DGLUCY: variants seen among roughly 807,000 people sequenced by gnomAD.
DGLUCY encodes D-glutamate cyclase.
A neutral mutation model predicts 58.5 loss-of-function variants in DGLUCY; 58 were observed. The observed-to-expected ratio is 0.99, with a 90% CI of 0.80 to 1.23. The LOEUF (loss-of-function observed/expected upper bound fraction) is 1.23, where lower values mean the gene tolerates loss of function less well. Among genes scored for constraint, DGLUCY ranks in the 50% most tolerant of loss-of-function variants. DGLUCY has a pLI of 0.00. For synonymous variants in DGLUCY, 325 were observed against 314.1 expected (o/e 1.03, Z -0.37); for missense variants, 779 against 784.7 (o/e 0.99, Z 0.09).
At position 91,199,855 on chromosome 14, in the gene DGLUCY, T is replaced by C. The variant is rs1263626933; in HGVS notation, c.1394T>C (p.Ile465Thr). 13 of 1,614,050 alleles carry C rather than the reference T, an allele frequency of 8.1e-6. No individual in the cohort carries two copies. The highest frequency in any genetic ancestry group is 6.7e-5 in the East Asian group (3 of 44,890). ...AACATCAAGCACTTGGTTGACCCCA[T>C]TGACGATCTTTTTCTTGCTGCGAAG... ...KMNIKHLVDP[I>T]DDLFLAAKKI... The change falls in exon 11 of 14, where the codon ATT (isoleucine) becomes ACT (threonine). Residue 465 changes from isoleucine (I) to threonine (T), a missense_variant. Ile to Thr is a moderately conservative substitution (Grantham distance 89). Transcript: ENST00000256324.
rs2049703533 is a variant in DGLUCY, at chr14:91,189,070, G to T, written c.1095G>T (p.Leu365=). 1 of 1,614,022 alleles carries T rather than the reference G, an allele frequency of 6.2e-7. No individual in the cohort carries two copies. Among genetic ancestry groups the T allele is most frequent in the African/African-American group, 1.3e-5 (1 of 74,918 alleles). ...ETDGPPGAVA[L]VAFLQALEKE... is the part of the protein sequence containing the mutation. ...ATGGCCCACCAGGAGCTGTTGCTCT[G>T]GTTGCCTTCCTGCAGGCCTTGGAGA... Residue 365 remains leucine (L), a synonymous_variant, in exon 9 of 14, where the codon CTG becomes CTT. Coordinates refer to ENST00000256324, the MANE Select transcript of DGLUCY (RefSeq NM_001102368.3).
chr14:91,131,894 A>G (rs543801054), intron 1 of DGLUCY, among the ~76,000 whole-genome samples: 4 of 152,288 alleles, frequency 2.6e-5, no homozygotes, highest in Middle Eastern at 3.4e-3. Context: ...CCTGGGTTCA[A>G]GTAATTCTCT....
intron 7 of DGLUCY, among the ~76,000 whole-genome samples, chr14:91,176,553 A>G (rs2048864955): frequency 2.6e-5 from 4 of 152,088 alleles, no homozygotes; most frequent in Admixed American, 2.6e-4. Context: ...CCAGGGCTGG[A>G]TCTCCTTACC....
chr14:91,192,615 C>T (rs534432197), intron 9 of DGLUCY, among the ~76,000 whole-genome samples: 2 of 152,076 alleles, frequency 1.3e-5, no homozygotes, highest in South Asian at 4.2e-4. Flanking sequence ...CTGTGTGTCT[C>T]ATAACAAAAC....
In DGLUCY at chr14:91,173,287, AGAC is replaced by A; in HGVS notation, c.457-1_458del. On this transcript the variant is annotated splice_acceptor_variant and coding_sequence_variant, in exon 6 of 14. Coordinates refer to ENST00000256324, the MANE Select transcript of DGLUCY (RefSeq NM_001102368.3). LOFTEE classifies it high-confidence loss of function. Reference sequence around the variant, plus strand: ...ACTTGATTTTTTTTTTTTTTTGGTCAGACAACAGTGCCTTGTGTTACCCATGCT... The same window carrying A: ...ACTTGATTTTTTTTTTTTTTTGGTCAAACAGTGCCTTGTGTTACCCATGCT... The A allele has an allele frequency of 1.3e-6, 2 of 1,598,634 alleles. No individual in the cohort carries two copies. Among genetic ancestry groups the A allele is most frequent in the South Asian group, 2.2e-5 (2 of 88,916 alleles).
intron 10 of DGLUCY, among the ~76,000 whole-genome samples, chr14:91,199,247 G>A (rs1814720745): frequency 6.6e-6 from 1 of 150,906 alleles, no homozygotes; most frequent in Non-Finnish European, 1.5e-5. Context: ...AAATTGCTGA[G>A]GATTCCAATG....
At chr14:91,117,842 G>A (rs1190428264) in intron 1 of DGLUCY, among the ~76,000 whole-genome samples, 2 of 152,160 alleles carry the variant, frequency 1.3e-5, no homozygotes, top group South Asian at 4.1e-4. Flanking sequence ...AGTACACATT[G>A]GTTTGATTGA....
chr14:91,205,754 CTCT>C (rs34299453), intron 12 of DGLUCY, among the ~76,000 whole-genome samples: 4,282 of 129,758 alleles, frequency 0.033, 95 homozygotes, highest in African/African-American at 0.042. Flanking sequence ...CCAGGGCATT[CTCT>C]TCTTCTTCTT....
At chr14:91,184,145 A>G (rs533980814) in intron 8 of DGLUCY, among the ~76,000 whole-genome samples, 1 of 152,264 alleles carries the variant, frequency 6.6e-6, no homozygotes, top group African/African-American at 2.4e-5. Context: ...AATCTGGGCC[A>G]GACTCCCAGG....
rs964209160 is a variant in DGLUCY at position 91,060,532 on chromosome 14, C to T, written c.-254C>T. ...CAGCCGCTGCCGCGGCCCCAGGAGT[C>T]GGGGTGCGGCGGCTCCAGAACTCGG... On this transcript the variant is annotated 5_prime_UTR_variant, in exon 1 of 5. Coordinates refer to the DGLUCY transcript ENST00000521334. The T allele has an allele frequency of 1.1e-5, 13 of 1,221,792 alleles. No individual in the cohort carries two copies. The Admixed American group carries it at 4.8e-4, about 45-fold the overall frequency. 75.7% of individuals were successfully genotyped at this position (1,221,792 alleles called of 1,614,324 possible).
At chr14:91,139,051 A>G (rs574542338) in intron 1 of DGLUCY, among the ~76,000 whole-genome samples, 1 of 152,322 alleles carries the variant, frequency 6.6e-6, no homozygotes, top group Admixed American at 6.5e-5. Flanking sequence ...GATATAGACA[A>G]ACAGATTTAG....
chr14:91,145,403 G>C (rs968554702), intron 1 of DGLUCY: 10 of 152,210 alleles, frequency 6.6e-5, no homozygotes, highest in African/African-American at 2.4e-4. Context: ...CTTCTGCATG[G>C]TGTACCCACC....
intron 11 of DGLUCY, among the ~76,000 whole-genome samples, chr14:91,203,896 C>T (rs1002713292): frequency 6.6e-6 from 1 of 152,134 alleles, no homozygotes; most frequent in African/African-American, 2.4e-5. Context: ...AGACTGGTCT[C>T]GAACTCCTGA....
At chr14:91,212,243 A>G (rs1243790934) in intron 12 of DGLUCY, among the ~76,000 whole-genome samples, 1 of 152,260 alleles carries the variant, frequency 6.6e-6, no homozygotes, top group Admixed American at 6.5e-5. Flanking sequence ...GCAGTGGCTC[A>G]TACCTATAAC....
At chr14:91,121,810 A>T (rs1419868102) in intron 1 of DGLUCY, among the ~76,000 whole-genome samples, 4 of 152,230 alleles carry the variant, frequency 2.6e-5, no homozygotes, top group East Asian at 1.9e-4. Context: ...GAAAAAAATG[A>T]CAAAAACCCC....
intron 1 of DGLUCY, among the ~76,000 whole-genome samples, chr14:91,099,207 T>TG (rs2044443686): frequency 6.6e-6 from 1 of 152,148 alleles, no homozygotes; most frequent in Admixed American, 6.6e-5. Flanking sequence ...TCACATGGTG[T>TG]GGGGTCAGAG....
intron 1 of DGLUCY, among the ~76,000 whole-genome samples, chr14:91,156,583 A>C (rs1472489898): frequency 6.6e-6 from 1 of 152,186 alleles, no homozygotes; most frequent in East Asian, 1.9e-4. Flanking sequence ...ATATTTTTAC[A>C]CTGAAGTTTG....
chr14:91,206,355 A>G (rs1379162045), intron 12 of DGLUCY, among the ~76,000 whole-genome samples: 1 of 151,846 alleles, frequency 6.6e-6, no homozygotes, highest in Non-Finnish European at 1.5e-5. Context: ...TCTTACCACC[A>G]TCACTAAAGG....
rs756627223 is a variant in DGLUCY at position 91,189,112 on chromosome 14, C to T, written c.1137C>T (p.Ile379=). The T allele has an allele frequency of 4.3e-6, 7 of 1,614,138 alleles. No individual in the cohort carries two copies. Among genetic ancestry groups the T allele is most frequent in the East Asian group, 2.2e-5 (1 of 44,872 alleles). The change falls in exon 9 of 14, where the codon ATC becomes ATT. Residue 379 remains isoleucine, a synonymous_variant. Transcript: ENST00000256324. ...LQALEKEVAI[I]VDQRAWNLHQ... ...CCTTGGAGAAGGAGGTCGCCATAAT[C>T]GTTGACCAGAGAGCCTGGAACTTGC...
Sources: allele counts gnomAD v4.1 joint callset (sites outside exome capture counted in the v4.1 genomes callset), GRCh38; gene constraint gnomAD v4.1.1; transcripts MANE v1.5; gene names NCBI Gene and HGNC (gene_info 2026-07-23, HGNC 2026-07-21).